Variants in ATP8A2 observed in about 807,000 individuals in gnomAD.
ATP8A2 encodes ATPase phospholipid transporting 8A2, also known as phospholipid-transporting ATPase IB.
ATP8A2 carries 100 observed loss-of-function variants against 165.6 expected under a neutral mutation model. That is an observed-to-expected ratio of 0.60 (90% confidence interval 0.51 to 0.71). The LOEUF is 0.71. ATP8A2 is among the 30% of genes least tolerant of loss of function. The probability of loss-of-function intolerance (pLI) is 0.00; values close to 1 mark genes in which losing one functional copy is unlikely to be tolerated. For missense variants in ATP8A2, 1,227 were observed against 1,479.5 expected, an observed-to-expected ratio of 0.83 and a Z score of 2.80; for synonymous variants, 543 against 548.8, an observed-to-expected ratio of 0.99 and a Z score of 0.15.
At chr13:25,725,667 G>A (rs1023306618) in intron 25 of ATP8A2, among the ~76,000 whole-genome samples, 3 of 152,190 alleles carry the variant, frequency 2.0e-5, no homozygotes, top group Non-Finnish European at 4.4e-5. Flanking sequence ...CCTTCAACCC[G>A]ATGCTTTCAA....
At chr13:25,591,436 T>A (rs764135438) in intron 24 of ATP8A2, 2 of 450,788 alleles carry the variant, frequency 4.4e-6, no homozygotes, top group Non-Finnish European at 8.9e-6. Context: ...GCTCATTTCA[T>A]GTAACATAAT....
intron 19 of ATP8A2, among the ~76,000 whole-genome samples, chr13:25,575,987 A>C (rs1030504379): frequency 1.8e-4 from 27 of 152,126 alleles, no homozygotes; most frequent in Admixed American, 1.2e-3. Context: ...ACAGAAAGAT[A>C]ATTTGTGGTT....
chr13:25,830,674 C>T (rs1951437812), intron 28 of ATP8A2, among the ~76,000 whole-genome samples: 1 of 152,168 alleles, frequency 6.6e-6, no homozygotes, highest in Non-Finnish European at 1.5e-5. Context: ...GTACAAAGAA[C>T]TACTATTTAC....
intron 35 of ATP8A2, among the ~76,000 whole-genome samples, chr13:25,977,122 G>T (rs1030704177): frequency 1.8e-4 from 26 of 143,858 alleles, no homozygotes; most frequent in Non-Finnish European, 2.8e-4. Flanking sequence ...CTCACATTTT[G>T]ATATGGCTCA....
intron 24 of ATP8A2, among the ~76,000 whole-genome samples, chr13:25,663,455 G>A (rs2042091162): frequency 6.6e-6 from 1 of 152,118 alleles, no homozygotes; most frequent in Non-Finnish European, 1.5e-5. Context: ...GAGTACAAAT[G>A]TCTCAATTTA....
intron 36 of ATP8A2, among the ~76,000 whole-genome samples, chr13:26,016,588 A>C (rs1956980457): frequency 6.6e-6 from 1 of 152,254 alleles, no homozygotes; most frequent in Admixed American, 6.5e-5. Context: ...AGACTATTCC[A>C]AAGGCTAAGA....
At chr13:25,384,049 A>G (rs2032951419) in intron 1 of ATP8A2, among the ~76,000 whole-genome samples, 1 of 152,064 alleles carries the variant, frequency 6.6e-6, no homozygotes, top group Non-Finnish European at 1.5e-5. Context: ...TCATGTCCCT[A>G]AAAACGCTTT....
chr13:25,426,917 G>A (rs1179833053), intron 1 of ATP8A2, among the ~76,000 whole-genome samples: 1 of 152,184 alleles, frequency 6.6e-6, no homozygotes, highest in East Asian at 1.9e-4. Flanking sequence ...CTGCACTCTA[G>A]CCTGGGTGAC....
At chr13:25,813,388 ATATGATATG>A (rs1950926787) in intron 27 of ATP8A2, among the ~76,000 whole-genome samples, 2 of 95,048 alleles carry the variant, frequency 2.1e-5, no homozygotes, top group South Asian at 2.6e-4. Context: ...ATGATATATG[ATATGATATG>A]ATATGATATG....
chr13:25,715,660 A>G (rs1306211809), intron 25 of ATP8A2, among the ~76,000 whole-genome samples: 2 of 152,222 alleles, frequency 1.3e-5, no homozygotes, highest in Non-Finnish European at 2.9e-5. Flanking sequence ...TTGCCAAAAA[A>G]TATTTCATTG....
At chr13:25,617,223 A>AAGTTAATTG (rs143697996) in intron 24 of ATP8A2, among the ~76,000 whole-genome samples, 1,986 of 152,332 alleles carry the variant, frequency 0.013, 18 homozygotes, top group Non-Finnish European at 0.019. Flanking sequence ...CATTTCCTCA[A>AAGTTAATTG]AGTTAATTGT....
At chr13:25,937,362 C>CTTTCTTTTCTT in intron 33 of ATP8A2, among the ~76,000 whole-genome samples, 4 of 38,798 alleles carry the variant, frequency 1.0e-4, no homozygotes, top group African/African-American at 2.7e-4. Flanking sequence ...TTCTTTCTTT[C>CTTTCTTTTCTT]TTTTTTTTTT....
chr13:25,870,049 A>G (rs1311967155), intron 33 of ATP8A2, among the ~76,000 whole-genome samples: 1 of 152,206 alleles, frequency 6.6e-6, no homozygotes, highest in East Asian at 1.9e-4. Context: ...ATCTCTCAGC[A>G]GATGGGGGAG....
chr13:25,532,926 A>T (rs913615568), intron 5 of ATP8A2, among the ~76,000 whole-genome samples: 1 of 152,156 alleles, frequency 6.6e-6, no homozygotes, highest in African/African-American at 2.4e-5. Flanking sequence ...TTGGCTTCCC[A>T]AAGTGTTAGG....
chr13:25,805,109 A>C (rs1194988884), intron 27 of ATP8A2, among the ~76,000 whole-genome samples: 2 of 152,268 alleles, frequency 1.3e-5, no homozygotes, highest in East Asian at 3.9e-4. Context: ...TCTTGTTTGC[A>C]TTCTCATTTC....
intron 33 of ATP8A2, among the ~76,000 whole-genome samples, chr13:25,903,883 G>C (rs1403435370): frequency 6.6e-6 from 1 of 152,110 alleles, no homozygotes; most frequent in African/African-American, 2.4e-5. Flanking sequence ...TGCAGTTTTT[G>C]TCTGTTCTGC....
At chr13:25,472,718 A>T (rs747265581) in intron 2 of ATP8A2, among the ~76,000 whole-genome samples, 2 of 152,158 alleles carry the variant, frequency 1.3e-5, no homozygotes, top group African/African-American at 2.4e-5. Context: ...GAGCTTTTTG[A>T]AAAGAAGGGA....
intron 30 of ATP8A2, among the ~76,000 whole-genome samples, chr13:25,857,182 A>C (rs1044637321): frequency 6.6e-6 from 1 of 152,122 alleles, no homozygotes; most frequent in Non-Finnish European, 1.5e-5. Flanking sequence ...CCTTGAGCTC[A>C]TCAAGTGCTG....
intron 18 of ATP8A2, among the ~76,000 whole-genome samples, chr13:25,574,292 T>G (rs923884208): frequency 6.6e-6 from 1 of 152,184 alleles, no homozygotes; most frequent in East Asian, 1.9e-4. Flanking sequence ...TTCCAAAAGA[T>G]TTTTCCTAAA....
Sources: gnomAD v4.1 joint callset for allele counts (sites outside exome capture counted in the v4.1 genomes callset) on GRCh38, gnomAD v4.1.1 for gene constraint, MANE v1.5 for transcripts, NCBI Gene and HGNC (gene_info 2026-07-23, HGNC 2026-07-21) for gene names.